The following TFG variants were observed in gnomAD, a reference collection of about 807,000 sequenced individuals.
TFG encodes the protein protein TFG.
A neutral mutation model predicts 51.4 loss-of-function variants in TFG; 22 were observed. That is an observed-to-expected ratio of 0.43 (90% CI 0.31 to 0.61). The LOEUF is 0.61. TFG is among the 20% of genes least tolerant of loss of function. The pLI, the probability that TFG is intolerant of heterozygous loss-of-function variation, is 0.12. For synonymous variants in TFG, 187 were observed against 165.6 expected (o/e 1.13, Z -0.99); for missense variants, 419 against 487.7 (o/e 0.86, Z 1.33).
At chr3:100,729,389 A>G (rs970109213) in intron 4 of TFG, among the ~76,000 whole-genome samples, 1 of 152,156 alleles carries the variant, frequency 6.6e-6, no homozygotes, top group Non-Finnish European at 1.5e-5. Flanking sequence ...TTTTTTCCCC[A>G]TTGTATAATG....
intron 6 of TFG, 39 bp downstream of exon 6, chr3:100,736,755 T>C (rs1350804063): frequency 3.1e-6 from 5 of 1,589,972 alleles, no homozygotes; most frequent in East Asian, 2.3e-5. Flanking sequence ...GGAAAGTACA[T>C]GTGTAGAAGT....
At chr3:100,742,310 A>G (rs1278984840) in intron 6 of TFG, among the ~76,000 whole-genome samples, 1 of 152,220 alleles carries the variant, frequency 6.6e-6, no homozygotes, top group Non-Finnish European at 1.5e-5. Flanking sequence ...AATTGATATG[A>G]GTAAGTTGAG....
chr3:100,723,565 C>T (rs533568166), intron 3 of TFG, among the ~76,000 whole-genome samples: 2 of 152,140 alleles, frequency 1.3e-5, no homozygotes, highest in African/African-American at 4.8e-5. Context: ...AGAGACTAGA[C>T]AAATGCAAAG....
chr3:100,730,263 T>G (rs546154171), intron 4 of TFG, among the ~76,000 whole-genome samples: 2 of 152,324 alleles, frequency 1.3e-5, no homozygotes, highest in African/African-American at 4.8e-5. Context: ...GGAATGGATT[T>G]ATGAGTTTTT....
Position 100,719,982 on chromosome 3 carries a change from T to C in TFG, c.192T>C (p.Asp64=). The change falls in exon 3 of 8, where the codon GAT becomes GAC. Residue 64 remains aspartate, a synonymous_variant. Transcript: ENST00000240851. ...VTIKYKDEDG[D]LITIFDSSDL... ...TTTTTTTTTAAATTCCAGATGGAGA[T>C]CTTATAACAATTTTTGATAGTTCTG... 1 of 1,546,180 alleles carries C rather than the reference T, an allele frequency of 6.5e-7. No individual in the cohort carries two copies. Among genetic ancestry groups the C allele is most frequent in the Non-Finnish European group, 8.7e-7 (1 of 1,145,102 alleles).
chr3:100,726,242 G>C (rs1403531104), intron 3 of TFG, among the ~76,000 whole-genome samples: 5 of 152,334 alleles, frequency 3.3e-5, no homozygotes, highest in African/African-American at 1.2e-4. Flanking sequence ...GCAAGCATCT[G>C]GCATAGGAGG....
intron 3 of TFG, among the ~76,000 whole-genome samples, chr3:100,727,680 TAAGTG>T (rs1036891688): frequency 1.3e-5 from 2 of 152,162 alleles, no homozygotes; most frequent in African/African-American, 4.8e-5. Context: ...AAATGAATAA[TAAGTG>T]AAGTAATGTT....
rs141412018 is a variant in TFG, at chr3:100,736,667, A to C, written c.672A>C (p.Pro224=). 4.3e-6 allele frequency: 7 copies of C among 1,614,086 alleles called. No homozygotes were observed. Among genetic ancestry groups the C allele is most frequent in the Non-Finnish European group, 5.9e-6 (7 of 1,179,976 alleles). Reference sequence around the variant, plus strand: ...CAGCTCACCCACCAGGCGTTCAGCCACAGCAGCCACCATATACAGGAGCTC... The same window carrying C: ...CAGCTCACCCACCAGGCGTTCAGCCCCAGCAGCCACCATATACAGGAGCTC... The part of the protein sequence containing the change: ...SSAAHPPGVQ[P]QQPPYTGAQT... The change falls in exon 6 of 8, where the codon CCA becomes CCC. Residue 224 remains proline (P), a synonymous_variant. Coordinates refer to ENST00000240851, the MANE Select transcript of TFG (RefSeq NM_006070.6).
intron 5 of TFG, among the ~76,000 whole-genome samples, chr3:100,733,356 A>G (rs2095097152): frequency 6.6e-6 from 1 of 152,088 alleles, no homozygotes; most frequent in Non-Finnish European, 1.5e-5. Context: ...TGTGATTTCT[A>G]ATATGCTGTG....
chr3:100,720,939 A>AC (rs2095059133), intron 3 of TFG, among the ~76,000 whole-genome samples: 2 of 151,268 alleles, frequency 1.3e-5, no homozygotes, highest in Middle Eastern at 3.4e-3. Context: ...CATTAATTTT[A>AC]TTTTTTTTTA....
chr3:100,723,441 A>C lies in TFG; in HGVS notation c.268+3383A>C, dbSNP rs137920624. ...ATCACAGTACACAGAAATTGACTAC[A>C]TATATCGGTTAAAATAATCTCTTAA... On this transcript the variant is annotated intron_variant, in intron 3 of 7. Coordinates refer to ENST00000240851, the MANE Select transcript of TFG (RefSeq NM_006070.6). Among the ~76,000 whole-genome samples the C allele has an allele frequency of 3.6e-3, 548 of 152,242 alleles. 2 individuals carry two copies. Among genetic ancestry groups the C allele is most frequent in the African/African-American group, 0.012 (496 of 41,562 alleles).
intron 3 of TFG, among the ~76,000 whole-genome samples, chr3:100,722,989 A>G (rs141205213): frequency 7.9e-4 from 120 of 152,330 alleles, no homozygotes; most frequent in African/African-American, 2.8e-3. Flanking sequence ...AAGCTTTTCC[A>G]TTGATACAGA....
At chr3:100,724,788 A>C (rs1240159766) in intron 3 of TFG, among the ~76,000 whole-genome samples, 1 of 152,216 alleles carries the variant, frequency 6.6e-6, no homozygotes, top group African/African-American at 2.4e-5. Context: ...TAAATTAGAA[A>C]ATCACATACT....
At chr3:100,739,415 T>C (rs1326115433) in intron 6 of TFG, among the ~76,000 whole-genome samples, 1 of 151,536 alleles carries the variant, frequency 6.6e-6, no homozygotes, top group Non-Finnish European at 1.5e-5. Flanking sequence ...AAAGGGATAA[T>C]GTTACTCTTT....
intron 1 of TFG, among the ~76,000 whole-genome samples, chr3:100,712,412 A>G (rs2095033739): frequency 6.6e-6 from 1 of 152,210 alleles, no homozygotes; most frequent in African/African-American, 2.4e-5. Flanking sequence ...GAAAGCTGCT[A>G]GTAGTAAGGC....
chr3:100,736,844 T>C (rs2095107997), intron 6 of TFG, 128 bp downstream of exon 6: 6 of 1,017,850 alleles, frequency 5.9e-6, no homozygotes, highest in Admixed American at 5.5e-5. Flanking sequence ...TTTACTGACA[T>C]GATTTGATGT....
chr3:100,734,131 A>T (rs1028589110), intron 5 of TFG, among the ~76,000 whole-genome samples: 2 of 150,666 alleles, frequency 1.3e-5, no homozygotes, highest in East Asian at 3.9e-4. Flanking sequence ...CTTTTGTGAT[A>T]GTTTTTGCAA....
chr3:100,732,855 A>G (rs768565054), intron 5 of TFG, among the ~76,000 whole-genome samples, 183 bp downstream of exon 5: 22 of 152,212 alleles, frequency 1.4e-4, no homozygotes, highest in Non-Finnish European at 2.9e-4. Context: ...ATTAAGATGT[A>G]GATGATTTCC....
Position 100,732,767 on chromosome 3 carries a change from T to C in TFG, c.580+95T>C, listed in dbSNP as rs887010020. On this transcript the variant is annotated intron_variant, in intron 5 of 7. Transcript: ENST00000240851. ...CTTTAATTGAAGAATAACTTGGATA[T>C]GGTGAAGTGCACAAATCTTAAGGGT... The C allele has an allele frequency of 9.1e-6, 10 of 1,098,512 alleles. No homozygotes were observed. In the African/African-American group the frequency reaches 1.6e-4, roughly 18 times the overall value. The allele number at this position is 1,098,512 out of a possible 1,614,324, so 68.0% of individuals were successfully genotyped here. A position where few individuals can be genotyped will look rare whatever the true frequency, so the allele number is the denominator to read the frequency against.
Sources: allele counts gnomAD v4.1 joint callset (sites outside exome capture counted in the v4.1 genomes callset), GRCh38; gene constraint gnomAD v4.1.1; transcripts MANE v1.5; gene names NCBI Gene and HGNC (gene_info 2026-07-23, HGNC 2026-07-21).